The following UHRF1 variants were observed in gnomAD, a reference collection of about 807,000 sequenced individuals.
UHRF1 encodes E3 ubiquitin-protein ligase UHRF1.
A neutral mutation model predicts 96.5 loss-of-function variants in UHRF1; 9 were observed. The observed-to-expected ratio is 0.09, with a 90% confidence interval of 0.06 to 0.16. UHRF1 has a LOEUF of 0.16. Ranked by LOEUF, UHRF1 falls within the 10% of genes least tolerant of loss-of-function variation. UHRF1 has a pLI of 1.00. For synonymous variants in UHRF1, 455 were observed against 469.9 expected (o/e 0.97, Z 0.41); for missense variants, 626 against 1,131.1 (o/e 0.55, Z 6.40).
chr19:4,904,703 C>T (rs1416447321), upstream of UHRF1, among the ~76,000 whole-genome samples: 4 of 152,226 alleles, frequency 2.6e-5, no homozygotes, highest in Admixed American at 1.3e-4. Flanking sequence ...TTGTGCCCAT[C>T]AATGTCTGCG....
At chr19:4,906,903 C>T (rs1383254123), upstream of UHRF1, among the ~76,000 whole-genome samples, 5 of 152,300 alleles carry the variant, frequency 3.3e-5, no homozygotes, top group African/African-American at 9.6e-5. Context: ...GAGCTCAAGC[C>T]GTCTCACACC....
intron 16 of UHRF1, 141 bp from the exon 17 acceptor site, chr19:4,960,516 G>T: frequency 8.1e-7 from 1 of 1,231,350 alleles, no homozygotes; most frequent in Non-Finnish European, 1.2e-6. Context: ...GGCTGGTGAT[G>T]GGCAGCAGGT....
chr19:4,909,447 G>A (rs1405881914), upstream of UHRF1: 2 of 652,408 alleles, frequency 3.1e-6, no homozygotes, highest in Non-Finnish European at 5.5e-6. Context: ...CCCCCGGCAC[G>A]GCCTCCTGCG....
Position 4,944,462 on chromosome 19 carries a change from G to A in UHRF1, c.1305+12G>A, listed in dbSNP as rs771567426. On this transcript the variant is annotated intron_variant, in intron 9 of 16. Transcript: ENST00000650932. ...GGTTCCGAGTCCAGGTACCTGCAGC[G>A]TCCCGGGGCTCCAGGGGCCACGCGG... The A allele has an allele frequency of 3.3e-5, 54 of 1,613,572 alleles. 1 individual carries two copies. The highest frequency in any genetic ancestry group is 2.5e-4 in the South Asian group (23 of 91,082).
At chr19:4,918,528 C>T (rs1029294029) in intron 2 of UHRF1, among the ~76,000 whole-genome samples, 4 of 151,674 alleles carry the variant, frequency 2.6e-5, no homozygotes, top group Non-Finnish European at 4.4e-5. Flanking sequence ...AGCAATTCTG[C>T]GTCAGCCTCC....
chr19:4,910,317 CG>C (rs2032208336), intron 1 of UHRF1: 1 of 112,850 alleles, frequency 8.9e-6, no homozygotes, highest in South Asian at 2.7e-4. Context: ...CACCGCGGGG[CG>C]GGCCCGGTCG....
At chr19:4,934,373 G>A (rs1051254982) in intron 5 of UHRF1, among the ~76,000 whole-genome samples, 3 of 152,108 alleles carry the variant, frequency 2.0e-5, no homozygotes, top group Non-Finnish European at 2.9e-5. Context: ...CGCACAGTTC[G>A]GTGGCATTAA....
intron 11 of UHRF1, among the ~76,000 whole-genome samples, chr19:4,947,631 G>T (rs907591913): frequency 6.6e-6 from 1 of 150,454 alleles, no homozygotes; most frequent in Non-Finnish European, 1.5e-5. Flanking sequence ...CTCCTGAGTA[G>T]CTGGGATTAC....
At position 4,950,931 on chromosome 19, in the gene UHRF1, G is replaced by C. The variant is rs375548961; in HGVS notation, c.1753G>C (p.Asp585His). The C allele has an allele frequency of 4.9e-5, 79 of 1,613,048 alleles. No homozygotes were observed. The highest frequency in any genetic ancestry group is 1.8e-4 in the Middle Eastern group (1 of 5,440). The stretch of plus-strand genomic sequence containing the variant: ...GCGCTACCTTCTGCGGAGGGACGAT[G>C]ATGAGCCTGGCCCTTGGACGAAGGA... ...VWRYLLRRDDDEPGPWTKEGK... is the reference protein window; with the variant it reads ...VWRYLLRRDDHEPGPWTKEGK... The change falls in exon 13 of 17, where the codon GAT (aspartate) becomes CAT (histidine). Residue 585 changes from aspartate (D) to histidine (H), a missense_variant. Asp to His is a moderately conservative substitution (Grantham distance 81). Transcript: ENST00000650932.
At position 4,954,500 on chromosome 19, in the gene UHRF1, G is replaced by T. The variant is rs377111850; in HGVS notation, c.1957+12G>T. The T allele has an allele frequency of 6.2e-7, 1 of 1,605,846 alleles. No individual in the cohort carries two copies. The highest frequency in any genetic ancestry group is 8.5e-7 in the Non-Finnish European group (1 of 1,174,252). ...GCGGAAGTCGGCAGGTGAGAATCTCGTGGGTGTGGGGTGAGCGTCTTGTGT... is the reference window on the plus strand; with the variant it reads ...GCGGAAGTCGGCAGGTGAGAATCTCTTGGGTGTGGGGTGAGCGTCTTGTGT... On this transcript the variant is annotated intron_variant, in intron 14 of 16. Transcript: ENST00000650932. The surrounding 1 kb of genome is among the most constrained non-coding windows in gnomAD (Gnocchi z 5.9).
chr19:4,952,981 T>G (rs1213869601), intron 13 of UHRF1, among the ~76,000 whole-genome samples: 1 of 152,070 alleles, frequency 6.6e-6, no homozygotes, highest in Non-Finnish European at 1.5e-5. Flanking sequence ...CTTGAAAACA[T>G]TCACCCTAGG....
intron 16 of UHRF1, among the ~76,000 whole-genome samples, chr19:4,959,055 G>A (rs1017395310): frequency 1.3e-4 from 19 of 150,076 alleles, no homozygotes; most frequent in Non-Finnish European, 2.5e-4. Flanking sequence ...ATAGCTCATC[G>A]CAGCCTTGAA....
chr19:4,924,866 GC>G (rs2032819283), intron 2 of UHRF1, among the ~76,000 whole-genome samples: 1 of 144,822 alleles, frequency 6.9e-6, no homozygotes, highest in Non-Finnish European at 1.5e-5. Flanking sequence ...CTCACTTGTC[GC>G]CCAGGCTGGA....
rs375773938 is a variant in UHRF1, at chr19:4,941,576, C to T, written c.834C>T (p.Phe278=). The T allele has an allele frequency of 4.5e-5, 73 of 1,613,668 alleles. No individual in the cohort carries two copies. The highest frequency in any genetic ancestry group is 1.8e-4 in the East Asian group (8 of 44,886). The change falls in exon 6 of 17, where the codon TTC becomes TTT. Residue 278 remains phenylalanine (F), a synonymous_variant. Transcript: ENST00000650932. ...DCRIIFVDEV[F]KIERPGEGSP... is the part of the protein sequence containing the mutation. Reference sequence around the variant, plus strand: ...GGATCATCTTCGTGGACGAAGTCTTCAAGATTGAGCGGCCGGGTGAAGGGA... The same window carrying T: ...GGATCATCTTCGTGGACGAAGTCTTTAAGATTGAGCGGCCGGGTGAAGGGA...
intron 2 of UHRF1, among the ~76,000 whole-genome samples, chr19:4,916,654 C>T (rs940579620): frequency 2.6e-5 from 4 of 152,070 alleles, no homozygotes; most frequent in East Asian, 1.9e-4. Flanking sequence ...CCGCCGCCCC[C>T]TCTTGTGGGT....
intron 1 of UHRF1, among the ~76,000 whole-genome samples, chr19:4,909,975 C>G (rs542219069): frequency 5.1e-4 from 77 of 150,866 alleles, no homozygotes; most frequent in Non-Finnish European, 1.0e-3. Context: ...TTGTCGCGCC[C>G]GAGCCCGATT....
chr19:4,913,763 C>G (rs187530754), intron 2 of UHRF1, among the ~76,000 whole-genome samples: 1 of 151,292 alleles, frequency 6.6e-6, no homozygotes, highest in Admixed American at 6.6e-5. Flanking sequence ...CCTTCATAAC[C>G]GCCTCTTAGT....
intron 13 of UHRF1, among the ~76,000 whole-genome samples, chr19:4,952,742 C>G (rs2033752290): frequency 6.6e-6 from 1 of 151,482 alleles, no homozygotes; most frequent in Admixed American, 6.6e-5. Flanking sequence ...GTGAAAGGAG[C>G]TCAAAGATTT....
rs202129974 is a variant in UHRF1, at chr19:4,921,129, G to GA, written c.154-8084dup. 5.8e-3 allele frequency among the ~76,000 whole-genome samples: 772 copies of GA among 132,308 alleles called. 2 individuals are homozygous for GA. Among genetic ancestry groups the GA allele is most frequent in the Middle Eastern group, 0.037 (8 of 218 alleles). 86.8% of individuals were successfully genotyped at this position (132,308 alleles called of 152,430 possible). On this transcript the variant is annotated intron_variant, in intron 2 of 16. Transcript: ENST00000650932. ...CAGAGGGAGACTCCGTCTCAAAAAAGAAAAAAAAAGAAAGAAAATCGGCCA... is the reference window on the plus strand; with the variant it reads ...CAGAGGGAGACTCCGTCTCAAAAAAGAAAAAAAAAAGAAAGAAAATCGGCCA...
Sources: allele counts gnomAD v4.1 joint callset (sites outside exome capture counted in the v4.1 genomes callset), GRCh38; gene constraint gnomAD v4.1.1; non-coding constraint Gnocchi (gnomAD v3.1); transcripts MANE v1.5; gene names NCBI Gene and HGNC (gene_info 2026-07-23, HGNC 2026-07-21).